GALNT13: variants seen among roughly 807,000 people sequenced by gnomAD.
The protein encoded by GALNT13 is UDP-GalNAc:polypeptide N-acetylgalactosaminyltransferase 13.
In GALNT13, 28 loss-of-function variants were observed where a neutral mutation model predicts 64.2. The observed-to-expected ratio is 0.44, with a 90% CI of 0.32 to 0.60. The LOEUF is 0.60. Ranked by LOEUF, GALNT13 falls within the 20% of genes least tolerant of loss-of-function variation. The pLI is 0.05. For missense variants in GALNT13, 577 were observed against 669.8 expected (o/e 0.86, Z 1.53); for synonymous variants, 214 against 224.6 (o/e 0.95, Z 0.42).
At chr2:154,062,672 C>G (rs900592048) in intron 3 of GALNT13, among the ~76,000 whole-genome samples, 1 of 152,132 alleles carries the variant, frequency 6.6e-6, no homozygotes, top group Non-Finnish European at 1.5e-5. Flanking sequence ...AAAATCTGCT[C>G]CCATGATCTA....
At chr2:153,987,158 TA>T (rs1307027658) in intron 3 of GALNT13, among the ~76,000 whole-genome samples, 1 of 151,782 alleles carries the variant, frequency 6.6e-6, no homozygotes, top group Non-Finnish European at 1.5e-5. Context: ...GATAAAGGAG[TA>T]GGAAGAATCA....
At chr2:153,917,326 T>G (rs2105328965) in intron 2 of GALNT13, among the ~76,000 whole-genome samples, 1 of 152,272 alleles carries the variant, frequency 6.6e-6, no homozygotes, top group Non-Finnish European at 1.5e-5. Flanking sequence ...ATGCCTGCAT[T>G]ACTGCTACCT....
chr2:153,884,906 G>A (rs1237392885), intron 1 of GALNT13, among the ~76,000 whole-genome samples: 2 of 140,832 alleles, frequency 1.4e-5, no homozygotes, highest in Non-Finnish European at 3.1e-5. Flanking sequence ...GAGCGTCGTG[G>A]CACGCACTTC....
chr2:153,189,129 G>C, the GALNT13 span, among the ~76,000 whole-genome samples: 7,255 of 152,104 alleles, frequency 0.048, 573 homozygotes, highest in African/African-American at 0.17. Context: ...TTTCCAGACA[G>C]TTTTTATTCT....
chr2:154,249,871 T>C (rs1449861359), intron 7 of GALNT13, among the ~76,000 whole-genome samples: 1 of 152,128 alleles, frequency 6.6e-6, no homozygotes, highest in Non-Finnish European at 1.5e-5. Context: ...TATTTTTCAC[T>C]CAATTAGAAT....
At chr2:153,790,077 A>C in the GALNT13 span, among the ~76,000 whole-genome samples, 2,629 of 152,304 alleles carry the variant, frequency 0.017, 83 homozygotes, top group African/African-American at 0.06. Flanking sequence ...TTCCCAACTC[A>C]TTCTGTGAGG....
the GALNT13 span, among the ~76,000 whole-genome samples, chr2:153,198,118 A>G: frequency 6.6e-6 from 1 of 152,122 alleles, no homozygotes; most frequent in African/African-American, 2.4e-5. Context: ...GCCTCCAGAA[A>G]TGTGGAGATG....
At chr2:153,635,111 T>C in the GALNT13 span, among the ~76,000 whole-genome samples, 1 of 152,008 alleles carries the variant, frequency 6.6e-6, no homozygotes, top group East Asian at 1.9e-4. Flanking sequence ...AAAAAACCAC[T>C]TTCTAAGAAA....
At chr2:153,314,906 T>A in the GALNT13 span, among the ~76,000 whole-genome samples, 1 of 149,228 alleles carries the variant, frequency 6.7e-6, no homozygotes. Context: ...AGAAGGAAAA[T>A]AACAGTAAAG....
the GALNT13 span, among the ~76,000 whole-genome samples, chr2:153,233,581 A>C: frequency 6.6e-6 from 1 of 152,158 alleles, no homozygotes; most frequent in East Asian, 1.9e-4. Flanking sequence ...TGACTTTAAT[A>C]TAAACCTACT....
At chr2:153,696,769 T>A in the GALNT13 span, among the ~76,000 whole-genome samples, 3 of 152,180 alleles carry the variant, frequency 2.0e-5, no homozygotes, top group Admixed American at 1.3e-4. Context: ...CACTATTTTG[T>A]GGTTAGAATA....
the GALNT13 span, among the ~76,000 whole-genome samples, chr2:153,858,332 C>G: frequency 6.6e-6 from 1 of 152,144 alleles, no homozygotes; most frequent in Non-Finnish European, 1.5e-5. Context: ...TGAAAGGACT[C>G]TGATATTTAC....
the GALNT13 span, among the ~76,000 whole-genome samples, chr2:153,189,559 A>G: frequency 6.6e-6 from 1 of 152,188 alleles, no homozygotes; most frequent in Non-Finnish European, 1.5e-5. Flanking sequence ...TATAATAAAC[A>G]TAAGAGTGCA....
chr2:153,535,740 T>G, the GALNT13 span, among the ~76,000 whole-genome samples: 101 of 152,302 alleles, frequency 6.6e-4, 1 homozygote, highest in Admixed American at 4.6e-3. Flanking sequence ...AGACCTTTAG[T>G]CTATTCTACT....
At chr2:154,441,849 C>T (rs1027329519) in intron 12 of GALNT13, 9 of 152,032 alleles carry the variant, frequency 5.9e-5, no homozygotes, top group Non-Finnish European at 1.3e-4. Context: ...CAGTTCAACA[C>T]GTATTTATCT....
rs541406875 is a variant in GALNT13 at position 154,352,031 on chromosome 2, T to C, written c.1157-43960T>C. Among the ~76,000 whole-genome samples the C allele has an allele frequency of 3.9e-5, 6 of 152,330 alleles. No individual in the cohort carries two copies. In the East Asian group the frequency reaches 5.8e-4, roughly 15 times the overall value. On this transcript the variant is annotated intron_variant, in intron 9 of 12. Transcript: ENST00000392825. Reference sequence around the variant, plus strand: ...TGAGGAAAATTTTTCATTCATACTTTTTCAGTGTCATTTGATAACAATACA... The same window carrying C: ...TGAGGAAAATTTTTCATTCATACTTCTTCAGTGTCATTTGATAACAATACA...
chr2:153,413,662 A>G, the GALNT13 span, among the ~76,000 whole-genome samples: 2 of 152,332 alleles, frequency 1.3e-5, no homozygotes, highest in East Asian at 3.9e-4. Context: ...CCTAGTATTC[A>G]AAATATCAAT....
At chr2:153,187,572 G>A in the GALNT13 span, 1 of 152,150 alleles carries the variant, frequency 6.6e-6, no homozygotes, top group Non-Finnish European at 1.5e-5. Flanking sequence ...TTTTCTCTCT[G>A]TGTGTTGTGG....
At chr2:153,397,822 G>C in the GALNT13 span, among the ~76,000 whole-genome samples, 7 of 152,042 alleles carry the variant, frequency 4.6e-5, no homozygotes, top group African/African-American at 1.7e-4. Flanking sequence ...ATGACTCAGA[G>C]AATTTCAGTT....
Sources: allele counts gnomAD v4.1 joint callset (sites outside exome capture counted in the v4.1 genomes callset), GRCh38; gene constraint gnomAD v4.1.1; transcripts MANE v1.5; gene names NCBI Gene and HGNC (gene_info 2026-07-23, HGNC 2026-07-21).